Variants in BIRC6 observed in about 807,000 individuals in gnomAD.
BIRC6 encodes baculoviral IAP repeat containing 6.
Under a neutral mutation model 503.3 loss-of-function variants are expected in BIRC6, and 98 were observed. That is an observed-to-expected ratio of 0.19 (90% confidence interval 0.17 to 0.23). The LOEUF is 0.23. Ranked by LOEUF, BIRC6 falls within the 10% of genes least tolerant of loss-of-function variation. The pLI is 1.00. For missense variants in BIRC6, 5,360 were observed against 5,806.0 expected, an observed-to-expected ratio of 0.92 and a Z score of 2.50; for synonymous variants, 2,240 against 2,078.7, an observed-to-expected ratio of 1.08 and a Z score of -2.11.
rs909110591 is a variant in BIRC6, at chr2:32,415,901, A to G, written c.2610A>G (p.Arg870=). 2 of 1,614,032 alleles carry G rather than the reference A, an allele frequency of 1.2e-6. No homozygotes were observed. Among genetic ancestry groups the G allele is most frequent in the Non-Finnish European group, 8.5e-7 (1 of 1,179,894 alleles). ...TTCCACCCGATATATTGGATAATCG[A>G]GAGGATGACTGTGAGGAACCTATTG... is the stretch of plus-strand genomic sequence containing the variant. ...ILLPPDILDN[R]EDDCEEPIED... The change falls in exon 10 of 74, where the codon CGA becomes CGG. Residue 870 remains arginine, a synonymous_variant. Coordinates refer to ENST00000421745, the MANE Select transcript of BIRC6 (RefSeq NM_016252.4).
At chr2:32,500,705 A>G (rs1433595938) in intron 46 of BIRC6, among the ~76,000 whole-genome samples, 2 of 147,798 alleles carry the variant, frequency 1.4e-5, no homozygotes, top group South Asian at 2.1e-4. Flanking sequence ...TCCTAGGTTC[A>G]AGCAATTCTC....
At chr2:32,573,647 T>A (rs1293829872) in intron 65 of BIRC6, among the ~76,000 whole-genome samples, 1 of 152,224 alleles carries the variant, frequency 6.6e-6, no homozygotes, top group Non-Finnish European at 1.5e-5. Context: ...GCAACGTGTG[T>A]TCCTCGAGTA....
At chr2:32,504,029 GGTGTTTGTGTGT>G (rs1455190940) in intron 49 of BIRC6, among the ~76,000 whole-genome samples, 17 of 77,580 alleles carry the variant, frequency 2.2e-4, no homozygotes, top group African/African-American at 9.3e-4. Flanking sequence ...GGGGTGGGGG[GGTGTTTGTGTGT>G]GTGTGTGTGT....
Position 32,543,346 on chromosome 2 carries a change from C to G in BIRC6, c.12397C>G (p.Pro4133Ala). The G allele has an allele frequency of 1.9e-6, 3 of 1,613,942 alleles. No homozygotes were observed. Among genetic ancestry groups the G allele is most frequent in the Non-Finnish European group, 2.5e-6 (3 of 1,179,872 alleles). ...GTCAGGGGAGTTAGTTTATGAAGCA[C>G]CAGAAACTGTTGCGGCTGAACCTCC... is the stretch of plus-strand genomic sequence containing the variant. ...EQSGELVYEA[P>A]ETVAAEPPPI... Residue 4133 changes from proline to alanine, a missense_variant, in exon 62 of 74, where the codon CCA becomes GCA. Physicochemically the swap from Pro to Ala is conservative, Grantham distance 27. Coordinates refer to ENST00000421745, the MANE Select transcript of BIRC6 (RefSeq NM_016252.4).
intron 3 of BIRC6, among the ~76,000 whole-genome samples, chr2:32,383,270 C>G (rs1436148015): frequency 1.3e-5 from 2 of 152,086 alleles, no homozygotes; most frequent in African/African-American, 4.8e-5. Flanking sequence ...GTCTTGAACT[C>G]CTGACCGTGT....
intron 2 of BIRC6, chr2:32,379,739 T>A (rs1168146341): frequency 6.5e-6 from 1 of 154,270 alleles, no homozygotes. Context: ...TGCAAAGGGC[T>A]TTTTCATATT....
chr2:32,564,956 C>T (rs766385602), intron 65 of BIRC6: 1 of 152,088 alleles, frequency 6.6e-6, no homozygotes, highest in Non-Finnish European at 1.5e-5. Flanking sequence ...CATCTTGATT[C>T]ACATACCACA....
chr2:32,535,458 C>A (rs1176809187), intron 61 of BIRC6, among the ~76,000 whole-genome samples: 3 of 152,134 alleles, frequency 2.0e-5, no homozygotes. Context: ...CTCCCCTCCT[C>A]CCACCCCACA....
chr2:32,430,114 CTT>C (rs1476293340), intron 11 of BIRC6, among the ~76,000 whole-genome samples: 3 of 152,080 alleles, frequency 2.0e-5, no homozygotes, highest in African/African-American at 7.2e-5. Context: ...TTGAATTAAA[CTT>C]GTAATAATTT....
At chr2:32,582,785 C>T (rs186309032) in intron 66 of BIRC6, among the ~76,000 whole-genome samples, 67 of 152,090 alleles carry the variant, frequency 4.4e-4, no homozygotes, top group Admixed American at 1.9e-3. Context: ...AACAAAAAAA[C>T]TAGAATGACT....
At position 32,593,898 on chromosome 2, in the gene BIRC6, A is replaced by G. The variant is rs763464181; in HGVS notation, c.13356-17A>G. 3 of 1,602,696 alleles carry G rather than the reference A, an allele frequency of 1.9e-6. No individual in the cohort carries two copies. Among genetic ancestry groups the G allele is most frequent in the South Asian group, 2.3e-5 (2 of 88,888 alleles). ...CTTAATTTTCCTTGCTTTTCTTTCC[A>G]TATTAAAAAAATTCAGATCTAAAAG... is the stretch of plus-strand genomic sequence containing the variant. On this transcript the variant is annotated splice_polypyrimidine_tract_variant and intron_variant, in intron 66 of 73. Coordinates refer to ENST00000421745, the MANE Select transcript of BIRC6 (RefSeq NM_016252.4).
At chr2:32,519,894 C>A (rs528156235) in intron 57 of BIRC6, among the ~76,000 whole-genome samples, 1 of 152,322 alleles carries the variant, frequency 6.6e-6, no homozygotes, top group Non-Finnish European at 1.5e-5. Flanking sequence ...TGCTGAGCAT[C>A]TGCAAAGTGC....
intron 55 of BIRC6, 24 bp from the exon 56 acceptor site, chr2:32,518,230 T>G: frequency 6.3e-7 from 1 of 1,599,984 alleles, no homozygotes; most frequent in Non-Finnish European, 8.5e-7. Flanking sequence ...TGCATTTAAC[T>G]TTTTAAATAT....
intron 5 of BIRC6, among the ~76,000 whole-genome samples, chr2:32,392,962 A>G (rs1008701908): frequency 2.0e-5 from 3 of 152,088 alleles, no homozygotes; most frequent in African/African-American, 4.8e-5. Context: ...TATAAAATCA[A>G]CAAATAGTAT....
intron 3 of BIRC6, among the ~76,000 whole-genome samples, 161 bp from the exon 4 acceptor site, chr2:32,388,588 TA>T (rs1172916639): frequency 1.3e-5 from 2 of 152,080 alleles, no homozygotes; most frequent in Admixed American, 1.3e-4. Context: ...TAAAATATTT[TA>T]TTTTTTTTTA....
At chr2:32,450,869 A>G (rs1048529428) in intron 22 of BIRC6, among the ~76,000 whole-genome samples, 1 of 152,206 alleles carries the variant, frequency 6.6e-6, no homozygotes, top group Non-Finnish European at 1.5e-5. Context: ...AGTACTTCTT[A>G]TACTGTATTG....
chr2:32,586,157 C>T (rs1284525520), intron 66 of BIRC6, among the ~76,000 whole-genome samples: 2 of 151,712 alleles, frequency 1.3e-5, no homozygotes, highest in African/African-American at 2.4e-5. Flanking sequence ...TTAGGATTCA[C>T]GCTTGTATAA....
At chr2:32,487,887 C>A in intron 41 of BIRC6, 86 bp downstream of exon 41, 1 of 1,133,946 alleles carries the variant, frequency 8.8e-7, no homozygotes, top group Non-Finnish European at 1.3e-6. Flanking sequence ...TCATTCTAAT[C>A]CTGTCAGGGA....
At chr2:32,470,549 C>T (rs1260719954) in intron 31 of BIRC6, among the ~76,000 whole-genome samples, 3 of 152,122 alleles carry the variant, frequency 2.0e-5, no homozygotes, top group Non-Finnish European at 4.4e-5. Flanking sequence ...TAACTAAAGT[C>T]AAACTCCCTT....
Sources: allele counts gnomAD v4.1 joint callset (sites outside exome capture counted in the v4.1 genomes callset), GRCh38; gene constraint gnomAD v4.1.1; transcripts MANE v1.5; gene names NCBI Gene and HGNC (gene_info 2026-07-23, HGNC 2026-07-21).